Variants in ZNF140 observed in about 807,000 individuals in gnomAD.
The protein encoded by ZNF140 is zinc finger protein 140, also known as zinc finger protein 140 (clone pHZ-39).
In ZNF140, 13 loss-of-function variants were observed where a neutral mutation model predicts 12.9. The ratio of observed to expected loss-of-function variants is 1.01; its 90% CI spans 0.66 to 1.60. The LOEUF is 1.60. Among genes scored for constraint, ZNF140 ranks in the 40% most tolerant of loss-of-function variants. The probability of loss-of-function intolerance (pLI) is 0.00; values close to 1 mark genes in which losing one functional copy is unlikely to be tolerated. For synonymous variants in ZNF140, 214 were observed against 186.7 expected (o/e 1.15, Z -1.19); for missense variants, 531 against 548.8 (o/e 0.97, Z 0.32).
chr12:133,106,479 T>C lies in ZNF140; in HGVS notation c.1202T>C (p.Ile401Thr), dbSNP rs756172764. 2 of 1,614,164 alleles carry C rather than the reference T, an allele frequency of 1.2e-6. No homozygotes were observed. The highest frequency in any genetic ancestry group is 1.7e-6 in the Non-Finnish European group (2 of 1,180,004). The change falls in exon 5 of 5, where the codon ATT becomes ACT. Residue 401 changes from isoleucine to threonine, a missense_variant. Ile to Thr is a moderately conservative substitution (Grantham distance 89). Transcript: ENST00000355557. The part of the protein sequence containing the change: ...DKAFSRSFSL[I>T]LHQRTHTGEK... ...GCCTTCAGCCGGAGCTTTTCCCTCATTCTACATCAGAGAACTCATACTGGA... is the reference window on the plus strand; with the variant it reads ...GCCTTCAGCCGGAGCTTTTCCCTCACTCTACATCAGAGAACTCATACTGGA...
intron 4 of ZNF140, among the ~76,000 whole-genome samples, chr12:133,087,302 TA>T (rs141422397): frequency 0.034 from 5,023 of 147,066 alleles, 257 homozygotes; most frequent in African/African-American, 0.12. Context: ...TTTCCTTAGT[TA>T]AAAAAAAAAG....
In ZNF140 at chr12:133,107,341, G is replaced by A. The variant is rs980592259; in HGVS notation, c.*690G>A. 3 of 152,120 alleles carry A rather than the reference G, an allele frequency of 2.0e-5. No homozygotes were observed. Among genetic ancestry groups the A allele is most frequent in the African/African-American group, 4.8e-5 (2 of 41,436 alleles). The allele number at this position is 152,120 out of a possible 1,614,324, so 9.4% of individuals were successfully genotyped here. A position where few individuals can be genotyped will look rare whatever the true frequency, so the allele number is the denominator to read the frequency against. ...ATACTGGATGGAATCTGTAGGAAAC[G>A]GTTCTATTTTGAGGGAAGGGGGATT... On this transcript the variant is annotated 3_prime_UTR_variant, in exon 5 of 5. Coordinates refer to ENST00000355557, the MANE Select transcript of ZNF140 (RefSeq NM_003440.4).
intron 4 of ZNF140, among the ~76,000 whole-genome samples, chr12:133,099,636 T>C (rs1955264643): frequency 2.0e-5 from 3 of 152,230 alleles, no homozygotes; most frequent in African/African-American, 7.2e-5. Flanking sequence ...TAGTGAAATA[T>C]AATCCCAACA....
chr12:133,103,422 G>T (rs1295969175), intron 4 of ZNF140, among the ~76,000 whole-genome samples: 2 of 139,420 alleles, frequency 1.4e-5, no homozygotes, highest in Non-Finnish European at 1.5e-5. Flanking sequence ...CCGTGCCTAA[G>T]TTTTAATTTT....
At chr12:133,091,008 C>T (rs370521146) in intron 4 of ZNF140, among the ~76,000 whole-genome samples, 56 of 148,964 alleles carry the variant, frequency 3.8e-4, no homozygotes, top group South Asian at 1.3e-3. Flanking sequence ...GGTTTTATAC[C>T]GAGACATTCA....
intron 1 of ZNF140, 82 bp from the exon 2 acceptor site, chr12:133,081,191 G>T: frequency 1.9e-6 from 1 of 528,088 alleles, no homozygotes; most frequent in Non-Finnish European, 3.4e-6. Flanking sequence ...GGGGGCCACG[G>T]GAATCCCCAG....
chr12:133,097,818 C>CGTGTGT (rs1377287336), intron 4 of ZNF140, among the ~76,000 whole-genome samples: 46 of 106,584 alleles, frequency 4.3e-4, no homozygotes, highest in African/African-American at 1.0e-3. Flanking sequence ...CACATCTAAC[C>CGTGTGT]ATGTGTGTGT....
Position 133,091,029 on chromosome 12 carries a change from G to A in ZNF140, c.232+7468G>A, listed in dbSNP as rs1030895309. Among the ~76,000 whole-genome samples the A allele has an allele frequency of 1.8e-4, 27 of 148,476 alleles. No individual in the cohort carries two copies. The South Asian group carries it at 2.4e-3, about 13-fold the overall frequency. The stretch of plus-strand genomic sequence containing the variant: ...ATACCGAGACATTCAGTTCCCAGGG[G>A]CAGACAGGAGACAGTGGCCTTCCTC... On this transcript the variant is annotated intron_variant, in intron 4 of 4. Transcript: ENST00000355557.
At chr12:133,082,918 T>C (rs1218524710) in intron 2 of ZNF140, 185 bp from the exon 3 acceptor site, 6 of 741,808 alleles carry the variant, frequency 8.1e-6, no homozygotes, top group Middle Eastern at 3.8e-4. Context: ...TCTCCTTTTC[T>C]CCAGTTATAC....
intron 4 of ZNF140, among the ~76,000 whole-genome samples, chr12:133,094,538 A>C (rs1157741513): frequency 6.6e-6 from 1 of 151,122 alleles, no homozygotes; most frequent in African/African-American, 2.5e-5. Flanking sequence ...TCTGAATTAC[A>C]AACACAGGAG....
chr12:133,101,417 T>C (rs796938813), intron 4 of ZNF140, among the ~76,000 whole-genome samples: 27 of 152,160 alleles, frequency 1.8e-4, no homozygotes, highest in African/African-American at 6.3e-4. Flanking sequence ...AGAATACTTA[T>C]GAGCCCATTG....
rs948473926 is a variant in ZNF140 at position 133,095,881 on chromosome 12, C to T, written c.233-9629C>T. On this transcript the variant is annotated intron_variant, in intron 4 of 4. Coordinates refer to ENST00000355557, the MANE Select transcript of ZNF140 (RefSeq NM_003440.4). ...CATTACTGCAAACATATCTCGCCTC[C>T]CACCATAGGGCGGTTTTGCTACTAT... 3.9e-5 allele frequency among the ~76,000 whole-genome samples: 6 copies of T among 152,068 alleles called. No individual in the cohort carries two copies. The South Asian group carries it at 8.3e-4, about 21-fold the overall frequency.
intron 4 of ZNF140, among the ~76,000 whole-genome samples, chr12:133,103,045 T>G (rs1955415437): frequency 6.7e-6 from 1 of 148,426 alleles, no homozygotes; most frequent in Admixed American, 6.6e-5. Flanking sequence ...ATTGACACAA[T>G]GACTGTACGT....
intron 4 of ZNF140, among the ~76,000 whole-genome samples, chr12:133,086,546 A>G (rs1450858709): frequency 1.3e-5 from 2 of 152,236 alleles, no homozygotes; most frequent in African/African-American, 2.4e-5. Context: ...TATTTTAGAT[A>G]GAAATCCTTT....
At chr12:133,097,402 G>C (rs1430025578) in intron 4 of ZNF140, among the ~76,000 whole-genome samples, 1 of 152,048 alleles carries the variant, frequency 6.6e-6, no homozygotes, top group African/African-American at 2.4e-5. Flanking sequence ...CTGGCACTAT[G>C]GGAGGCCAAG....
intron 4 of ZNF140, among the ~76,000 whole-genome samples, chr12:133,086,939 T>G (rs1298287863): frequency 6.6e-6 from 1 of 152,250 alleles, no homozygotes; most frequent in Non-Finnish European, 1.5e-5. Context: ...ATTTTTGTGT[T>G]TGTATGTTTC....
chr12:133,091,860 T>G (rs1316351440), intron 4 of ZNF140, among the ~76,000 whole-genome samples: 2 of 151,148 alleles, frequency 1.3e-5, no homozygotes, highest in Non-Finnish European at 2.9e-5. Flanking sequence ...CTTCTCTTCC[T>G]TGTAGACGGC....
chr12:133,097,738 C>G (rs1955180912), intron 4 of ZNF140, among the ~76,000 whole-genome samples: 1 of 152,018 alleles, frequency 6.6e-6, no homozygotes, highest in Admixed American at 6.6e-5. Flanking sequence ...ACTGCTGTCT[C>G]AAATTCTTGG....
chr12:133,102,633 C>T (rs1308321018), intron 4 of ZNF140, among the ~76,000 whole-genome samples: 1 of 151,904 alleles, frequency 6.6e-6, no homozygotes, highest in Non-Finnish European at 1.5e-5. Context: ...CCTGTAGTCC[C>T]AGCTACTCGG....
Sources: gnomAD v4.1 joint callset for allele counts (sites outside exome capture counted in the v4.1 genomes callset) on GRCh38, gnomAD v4.1.1 for gene constraint, MANE v1.5 for transcripts, NCBI Gene and HGNC (gene_info 2026-07-23, HGNC 2026-07-21) for gene names.